NAPEPLD: variants seen among roughly 807,000 people sequenced by gnomAD.
NAPEPLD encodes the protein N-acyl phosphatidylethanolamine phospholipase D.
NAPEPLD carries 23 observed loss-of-function variants against 38.1 expected under a neutral mutation model. The observed-to-expected ratio is 0.60, with a 90% CI of 0.43 to 0.86. The LOEUF (loss-of-function observed/expected upper bound fraction) is 0.86. Ranked by LOEUF, NAPEPLD falls within the 40% of genes least tolerant of loss-of-function variation. The pLI is 0.00. For missense variants in NAPEPLD, 411 were observed against 476.8 expected (o/e 0.86, Z 1.28); for synonymous variants, 147 against 162.0 (o/e 0.91, Z 0.71).
At chr7:103,127,196 G>A (rs1175043946) in intron 2 of NAPEPLD, 2 of 152,100 alleles carry the variant, frequency 1.3e-5, no homozygotes, top group African/African-American at 2.4e-5. Flanking sequence ...GTGCCAAAGA[G>A]AGGATTCTCA....
At chr7:103,138,627 C>T (rs1178116914) in intron 1 of NAPEPLD, among the ~76,000 whole-genome samples, 1 of 152,200 alleles carries the variant, frequency 6.6e-6, no homozygotes, top group Admixed American at 6.5e-5. Flanking sequence ...CACCACCACA[C>T]CCAGCTAATT....
At chr7:103,129,429 T>C (rs539984297) in intron 1 of NAPEPLD, 1 of 485,272 alleles carries the variant, frequency 2.1e-6, no homozygotes, top group East Asian at 1.5e-4. Context: ...TTCATAAATC[T>C]ATAGTATTTT....
chr7:103,148,770 G>C (rs1813133916), intron 1 of NAPEPLD, 41 bp downstream of exon 1: 1 of 973,512 alleles, frequency 1.0e-6, no homozygotes, highest in African/African-American at 1.8e-5. Context: ...GGAAGTTGTC[G>C]ACCCATTCAT....
upstream of NAPEPLD, chr7:103,149,401 C>T: frequency 3.3e-6 from 4 of 1,223,006 alleles, no homozygotes; most frequent in Non-Finnish European, 4.2e-6. Context: ...TCGGGTTCTT[C>T]CTAACCCGAG....
rs1035722868 is a variant in NAPEPLD at position 103,148,987 on chromosome 7, T to A, written c.-193A>T. The A allele has an allele frequency of 1.0e-6, 1 of 985,142 alleles. No individual in the cohort carries two copies. The highest frequency in any genetic ancestry group is 1.7e-5 in the African/African-American group (1 of 57,166). The allele number at this position is 985,142 out of a possible 1,614,324, so 61.0% of individuals were successfully genotyped here. ...GTGCGAAAATTCAAATGAAGCCCTG[T>A]CGCTCACAAGTGCGGCATCTCCGAG... On this transcript the variant is annotated 5_prime_UTR_variant, in exon 1 of 5. Coordinates refer to ENST00000465647, the MANE Select transcript of NAPEPLD (RefSeq NM_001122838.3).
At position 103,114,023 on chromosome 7, in the gene NAPEPLD, C is replaced by T. The variant is rs182639730; in HGVS notation, c.1056+1037G>A. 1.9e-3 allele frequency among the ~76,000 whole-genome samples: 295 copies of T among 151,854 alleles called. 2 individuals are homozygous for T. Among genetic ancestry groups the T allele is most frequent in the African/African-American group, 6.8e-3 (281 of 41,382 alleles). The stretch of plus-strand genomic sequence containing the variant: ...AGGCGATTCTCCTGCCTCAGCCTCC[C>T]GAGTAGCTGGGATTACAGGCACGCA... On this transcript the variant is annotated intron_variant, in intron 4 of 4. Coordinates refer to ENST00000465647, the MANE Select transcript of NAPEPLD (RefSeq NM_001122838.3).
Position 103,102,607 on chromosome 7 carries a change from A to G in NAPEPLD, c.*822T>C, listed in dbSNP as rs1056338972. ...GTGACCCACCCACCTTGGCCTCCCA[A>G]AGTAAGAGGTCTTTTGGGAATTGTA... On this transcript the variant is annotated 3_prime_UTR_variant, in exon 5 of 5. Coordinates refer to ENST00000465647, the MANE Select transcript of NAPEPLD (RefSeq NM_001122838.3). The G allele has an allele frequency of 6.6e-6, 1 of 152,090 alleles. No individual in the cohort carries two copies. The highest frequency in any genetic ancestry group is 2.4e-5 in the African/African-American group (1 of 41,388). 9.4% of individuals were successfully genotyped at this position (152,090 alleles called of 1,614,324 possible).
chr7:103,133,725 T>C (rs915164341), intron 1 of NAPEPLD, among the ~76,000 whole-genome samples: 33 of 152,218 alleles, frequency 2.2e-4, no homozygotes, highest in Admixed American at 2.0e-3. Flanking sequence ...GTGGCAAATT[T>C]CAAACTATTT....
rs1176992135 is a variant in NAPEPLD, at chr7:103,128,738, G to A, written c.39C>T (p.Ser13=). Residue 13 remains serine, a synonymous_variant, in exon 2 of 5, where the codon AGC becomes AGT. Coordinates refer to ENST00000465647, the MANE Select transcript of NAPEPLD (RefSeq NM_001122838.3). ...TTACTGCTTCTTTAGGATATTGGCT[G>A]CTTGTCATCAGAGACTGGTTGCTTT... The part of the protein sequence containing the change: ...ENESNQSLMT[S]SQYPKEAVRK... 6.2e-7 allele frequency: 1 copy of A among 1,613,724 alleles called. No individual in the cohort carries two copies. Among genetic ancestry groups the A allele is most frequent in the South Asian group, 1.1e-5 (1 of 90,910 alleles).
chr7:103,147,394 G>C (rs1812782653), intron 1 of NAPEPLD, among the ~76,000 whole-genome samples: 1 of 152,170 alleles, frequency 6.6e-6, no homozygotes, highest in East Asian at 1.9e-4. Flanking sequence ...CAGATCAACA[G>C]TCCTCCAGCT....
intron 3 of NAPEPLD, among the ~76,000 whole-genome samples, chr7:103,118,206 G>C (rs931469928): frequency 6.6e-6 from 1 of 151,998 alleles, no homozygotes; most frequent in African/African-American, 2.4e-5. Flanking sequence ...AACCAAAAAA[G>C]GAACATACAT....
chr7:103,137,884 G>T (rs1427181652), intron 1 of NAPEPLD, among the ~76,000 whole-genome samples: 1 of 151,348 alleles, frequency 6.6e-6, no homozygotes, highest in Non-Finnish European at 1.5e-5. Flanking sequence ...ACCAAAAAAA[G>T]GTTGGGGGAG....
chr7:103,134,659 T>C (rs921828236), intron 1 of NAPEPLD, among the ~76,000 whole-genome samples: 2 of 151,910 alleles, frequency 1.3e-5, no homozygotes, highest in African/African-American at 4.8e-5. Context: ...TAAATAAAAA[T>C]AAAAAATAAA....
intron 1 of NAPEPLD, among the ~76,000 whole-genome samples, chr7:103,131,686 G>C (rs983711697): frequency 2.0e-5 from 3 of 151,918 alleles, no homozygotes; most frequent in African/African-American, 4.8e-5. Context: ...AGCAAGGAAG[G>C]TTTGTGAAAG....
chr7:103,123,705 A>ATGAAT (rs1242638195), intron 2 of NAPEPLD, among the ~76,000 whole-genome samples: 13 of 152,208 alleles, frequency 8.5e-5, no homozygotes, highest in African/African-American at 2.9e-4. Context: ...TAAGAATACA[A>ATGAAT]TGAATTAGGG....
At chr7:103,126,714 C>G (rs576155697) in intron 2 of NAPEPLD, 2 of 151,684 alleles carry the variant, frequency 1.3e-5, no homozygotes, top group South Asian at 4.2e-4. Flanking sequence ...TCAGGTGATT[C>G]TCCTGCCTCA....
chr7:103,131,073 A>G (rs192664722), intron 1 of NAPEPLD, among the ~76,000 whole-genome samples: 89 of 152,290 alleles, frequency 5.8e-4, no homozygotes, highest in Non-Finnish European at 1.0e-3. Context: ...ACTTCTCAAA[A>G]AGACAATATG....
chr7:103,104,632 G>A (rs1174776755), intron 4 of NAPEPLD, among the ~76,000 whole-genome samples: 1 of 152,162 alleles, frequency 6.6e-6, no homozygotes, highest in African/African-American at 2.4e-5. Flanking sequence ...AGTAAGTTTG[G>A]TTTTAACTGT....
At chr7:103,143,087 AC>A (rs1457640154) in intron 1 of NAPEPLD, among the ~76,000 whole-genome samples, 7 of 147,168 alleles carry the variant, frequency 4.8e-5, no homozygotes, top group Non-Finnish European at 9.1e-5. Flanking sequence ...AAACAAAAAA[AC>A]AAACACACAC....
Sources: allele counts gnomAD v4.1 joint callset (sites outside exome capture counted in the v4.1 genomes callset), GRCh38; gene constraint gnomAD v4.1.1; transcripts MANE v1.5; gene names NCBI Gene and HGNC (gene_info 2026-07-23, HGNC 2026-07-21).